SDK1: variants seen among roughly 807,000 people sequenced by gnomAD.
The protein encoded by SDK1 is sidekick cell adhesion molecule 1, also known as protein sidekick-1.
A neutral mutation model predicts 245.5 loss-of-function variants in SDK1; 157 were observed. The ratio of observed to expected loss-of-function variants is 0.64; its 90% CI spans 0.56 to 0.73. SDK1 has a LOEUF of 0.73. Ranked by LOEUF, SDK1 falls within the 30% of genes least tolerant of loss-of-function variation. SDK1 has a pLI of 0.00. For missense variants in SDK1, 3,583 were observed against 3,002.3 expected (o/e 1.19, Z -4.52); for synonymous variants, 1,647 against 1,278.5 (o/e 1.29, Z -6.15).
intron 1 of SDK1, among the ~76,000 whole-genome samples, chr7:3,506,317 T>C (rs559634732): frequency 6.6e-6 from 1 of 152,334 alleles, no homozygotes; most frequent in Non-Finnish European, 1.5e-5. Context: ...GTCTTCTGGC[T>C]TATATTGTGT....
At chr7:3,321,790 T>TTCCTTCTCCC (rs1562412738) in intron 1 of SDK1, among the ~76,000 whole-genome samples, 6 of 86,316 alleles carry the variant, frequency 7.0e-5, no homozygotes, top group African/African-American at 2.3e-4. Flanking sequence ...CCTTCCTTCC[T>TTCCTTCTCCC]TCCTTCCTTC....
intron 35 of SDK1, among the ~76,000 whole-genome samples, chr7:4,190,741 C>T (rs1460730347): frequency 3.3e-5 from 5 of 152,376 alleles, no homozygotes; most frequent in African/African-American, 1.2e-4. Flanking sequence ...CCTTCAGGCT[C>T]TCTGCAGCAT....
intron 1 of SDK1, among the ~76,000 whole-genome samples, chr7:3,308,033 TGTA>T (rs992150946): frequency 1.3e-5 from 2 of 152,184 alleles, no homozygotes; most frequent in Admixed American, 1.3e-4. Flanking sequence ...TAAGATGCAA[TGTA>T]GTATTTCTCC....
intron 1 of SDK1, among the ~76,000 whole-genome samples, chr7:3,311,867 A>G (rs1405777293): frequency 6.6e-6 from 1 of 152,188 alleles, no homozygotes; most frequent in Non-Finnish European, 1.5e-5. Context: ...TCAGGAGCTC[A>G]AGGCCTGTGG....
chr7:3,604,602 C>CTTTTTTTTT (rs201453008), intron 1 of SDK1, among the ~76,000 whole-genome samples: 1 of 110,480 alleles, frequency 9.1e-6, no homozygotes, highest in African/African-American at 3.4e-5. Flanking sequence ...CTTTTCTTTT[C>CTTTTTTTTT]TTTTTTTTTT....
intron 42 of SDK1, among the ~76,000 whole-genome samples, chr7:4,240,335 T>TC: frequency 6.6e-6 from 1 of 152,248 alleles, no homozygotes; most frequent in South Asian, 2.1e-4. Flanking sequence ...TCTCCCGTCC[T>TC]GCCCAGGAGA....
intron 1 of SDK1, among the ~76,000 whole-genome samples, chr7:3,606,578 A>C (rs1461806384): frequency 6.6e-6 from 1 of 152,128 alleles, no homozygotes; most frequent in African/African-American, 2.4e-5. Flanking sequence ...CTTAGAACAC[A>C]GTGGACTGAC....
chr7:3,821,078 G>C (rs2115059783), intron 4 of SDK1, among the ~76,000 whole-genome samples: 1 of 152,310 alleles, frequency 6.6e-6, no homozygotes, highest in Non-Finnish European at 1.5e-5. Flanking sequence ...GGGTTGTGGT[G>C]GTCCAGCCTT....
chr7:3,712,644 A>G (rs1785081352), intron 4 of SDK1, among the ~76,000 whole-genome samples: 1 of 152,198 alleles, frequency 6.6e-6, no homozygotes, highest in African/African-American at 2.4e-5. Context: ...AAAGATGGAT[A>G]GGACATTTCA....
intron 35 of SDK1, among the ~76,000 whole-genome samples, chr7:4,192,325 G>A (rs1783255943): frequency 6.6e-6 from 1 of 152,168 alleles, no homozygotes; most frequent in African/African-American, 2.4e-5. Context: ...GCCCAGGCTG[G>A]ATAGCAGTGG....
intron 4 of SDK1, among the ~76,000 whole-genome samples, chr7:3,684,972 CAAT>C (rs1248226393): frequency 6.6e-6 from 1 of 152,056 alleles, no homozygotes; most frequent in Non-Finnish European, 1.5e-5. Context: ...GACACAACAA[CAAT>C]GGACCCAAAG....
intron 1 of SDK1, among the ~76,000 whole-genome samples, chr7:3,552,936 C>A (rs368621487): frequency 1.4e-4 from 21 of 152,288 alleles, no homozygotes; most frequent in South Asian, 1.2e-3. Flanking sequence ...CAGTGTCTTA[C>A]ACAGTTATAA....
intron 1 of SDK1, among the ~76,000 whole-genome samples, chr7:3,547,379 T>A (rs13239833): frequency 6.6e-6 from 1 of 152,220 alleles, no homozygotes; most frequent in South Asian, 2.1e-4. Context: ...AAAACTTACC[T>A]TGGGCAAAGA....
intron 5 of SDK1, among the ~76,000 whole-genome samples, chr7:3,878,979 G>T (rs1244904467): frequency 6.6e-6 from 1 of 152,122 alleles, no homozygotes; most frequent in Non-Finnish European, 1.5e-5. Context: ...TAATACAGAT[G>T]ATCATAATGA....
rs573965860 is a variant in SDK1 at position 3,770,083 on chromosome 7, G to A, written c.714-51367G>A. On this transcript the variant is annotated intron_variant, in intron 4 of 44. Coordinates refer to ENST00000404826, the MANE Select transcript of SDK1 (RefSeq NM_152744.4). ...GGAGTGAGGGAGATGAGACAGGGCC[G>A]AAAGTGGTGAATGTATTTATAAAAG... 3.0e-4 allele frequency among the ~76,000 whole-genome samples: 46 copies of A among 152,050 alleles called. No homozygotes were observed. The East Asian group carries it at 8.2e-3, about 27-fold the overall frequency.
At chr7:4,106,641 AGGGAGCCGCACGCCC>A (rs2128189171) in intron 22 of SDK1, among the ~76,000 whole-genome samples, 1 of 152,234 alleles carries the variant, frequency 6.6e-6, no homozygotes, top group African/African-American at 2.4e-5. Flanking sequence ...ATCTCTGCAG[AGGGAGCCGCACGCCC>A]GGCGTTCTCA....
At chr7:3,381,473 A>G (rs889603323) in intron 1 of SDK1, among the ~76,000 whole-genome samples, 1 of 152,066 alleles carries the variant, frequency 6.6e-6, no homozygotes, top group Non-Finnish European at 1.5e-5. Context: ...ACTGATGCCA[A>G]CTACGCAGGA....
At chr7:3,584,631 C>A (rs1453668763) in intron 1 of SDK1, among the ~76,000 whole-genome samples, 3 of 152,138 alleles carry the variant, frequency 2.0e-5, no homozygotes, top group Admixed American at 2.0e-4. Context: ...AGAGAACTTT[C>A]CAGAGAAGTC....
chr7:3,402,148 A>T lies in SDK1; in HGVS notation c.298+100264A>T, dbSNP rs575605122. ...AAATAATATGCGGAAAATAAATGCA[A>T]AAAGAACTTGAGAAAGCTTCATGTG... On this transcript the variant is annotated intron_variant, in intron 1 of 44. Transcript: ENST00000404826. Among the ~76,000 whole-genome samples, 5 of 152,304 alleles carry T rather than the reference A, an allele frequency of 3.3e-5. No individual in the cohort carries two copies. The East Asian group carries it at 5.8e-4, about 18-fold the overall frequency.
Sources: allele counts gnomAD v4.1 joint callset (sites outside exome capture counted in the v4.1 genomes callset), GRCh38; gene constraint gnomAD v4.1.1; transcripts MANE v1.5; gene names NCBI Gene and HGNC (gene_info 2026-07-23, HGNC 2026-07-21).